Variants in TXK observed in about 807,000 individuals in gnomAD.
TXK encodes the protein TXK tyrosine kinase.
In TXK, 60 loss-of-function variants were observed where a neutral mutation model predicts 81.0. That is an observed-to-expected ratio of 0.74 (90% CI 0.60 to 0.92). The LOEUF (loss-of-function observed/expected upper bound fraction) is 0.92, where lower values mean the gene tolerates loss of function less well. Ranked by LOEUF, TXK falls within the 40% of genes least tolerant of loss-of-function variation. The pLI, the probability that TXK is intolerant of heterozygous loss-of-function variation, is 0.00. For synonymous variants in TXK, 203 were observed against 210.7 expected (o/e 0.96, Z 0.32); for missense variants, 581 against 638.3 (o/e 0.91, Z 0.97).
Position 48,095,151 on chromosome 4 carries a change from TC to T in TXK, c.572del (p.Gly191GlufsTer10). The T allele has an allele frequency of 6.2e-7, 1 of 1,612,824 alleles. No homozygotes were observed. Among genetic ancestry groups the T allele is most frequent in the Non-Finnish European group, 8.5e-7 (1 of 1,178,980 alleles). On this transcript the variant is annotated frameshift_variant, in exon 7 of 15. Transcript: ENST00000264316. LOFTEE classifies it high-confidence loss of function. ...LGSYTISVFM[G>X]ARRSTEAAIK... ...AAATCACAAGTGCTTACCTTCTAGC[TC>T]CCATAAATACGGAAATTGTGTAGGA...
chr4:48,075,312 T>C (rs17674224), intron 12 of TXK, among the ~76,000 whole-genome samples: 50,345 of 152,016 alleles, frequency 0.33, 9,778 homozygotes, highest in Non-Finnish European at 0.43. Flanking sequence ...GCTGTGGATG[T>C]GCCTAGGTAA....
intron 1 of TXK, among the ~76,000 whole-genome samples, chr4:48,123,370 C>T (rs1719007546): frequency 1.3e-5 from 2 of 152,206 alleles, no homozygotes; most frequent in Admixed American, 1.3e-4. Flanking sequence ...ATCTTCCTCA[C>T]TATCCTTAGT....
At chr4:48,095,709 G>A (rs1268286445) in intron 6 of TXK, among the ~76,000 whole-genome samples, 3 of 152,108 alleles carry the variant, frequency 2.0e-5, no homozygotes, top group Non-Finnish European at 4.4e-5. Flanking sequence ...GAACAGATAT[G>A]GGGGAGTCTG....
chr4:48,126,752 T>C (rs1396658086), intron 1 of TXK, among the ~76,000 whole-genome samples: 1 of 152,108 alleles, frequency 6.6e-6, no homozygotes, highest in African/African-American at 2.4e-5. Flanking sequence ...GATCCCCCTC[T>C]TTGGCCTCCC....
At position 48,114,289 on chromosome 4, in the gene TXK, G is replaced by A. The variant is rs924872952; in HGVS notation, c.71+59C>T. The A allele has an allele frequency of 5.0e-5, 77 of 1,555,440 alleles. 1 individual carries two copies. In the African/African-American group the frequency reaches 9.5e-4, roughly 19 times the overall value. On this transcript the variant is annotated intron_variant, in intron 2 of 14. Transcript: ENST00000264316. ...TGCAAAGAGACATGGTGACTCCACAGGTAATAAAGAAACGGAATTAATTAA... is the reference window on the plus strand; with the variant it reads ...TGCAAAGAGACATGGTGACTCCACAAGTAATAAAGAAACGGAATTAATTAA...
chr4:48,124,741 T>C (rs1172720385), intron 1 of TXK, among the ~76,000 whole-genome samples: 1 of 152,218 alleles, frequency 6.6e-6, no homozygotes, highest in Non-Finnish European at 1.5e-5. Flanking sequence ...ATTCCAGACA[T>C]ATATTTTTAA....
intron 11 of TXK, among the ~76,000 whole-genome samples, chr4:48,078,199 A>G (rs745987643): frequency 2.0e-5 from 3 of 152,204 alleles, no homozygotes; most frequent in Non-Finnish European, 4.4e-5. Flanking sequence ...CAAAGACTCT[A>G]AGTCTCATAA....
At chr4:48,071,698 C>T (rs377591868) in intron 13 of TXK, 24 bp from the exon 14 acceptor site, 1 of 1,611,590 alleles carries the variant, frequency 6.2e-7, no homozygotes, top group African/African-American at 1.3e-5. Flanking sequence ...TGCAGGAAAA[C>T]AAGGGGTTAG....
At chr4:48,115,519 A>G (rs1457757525) in intron 1 of TXK, among the ~76,000 whole-genome samples, 1 of 152,156 alleles carries the variant, frequency 6.6e-6, no homozygotes, top group Non-Finnish European at 1.5e-5. Flanking sequence ...GTCAAGCTTC[A>G]TCTTTATTGA....
chr4:48,109,685 C>A (rs1451982211), intron 5 of TXK, among the ~76,000 whole-genome samples: 1 of 152,192 alleles, frequency 6.6e-6, no homozygotes, highest in Non-Finnish European at 1.5e-5. Flanking sequence ...ACATTATCCA[C>A]CAAAGCTTTT....
intron 12 of TXK, among the ~76,000 whole-genome samples, chr4:48,075,910 C>T (rs569397126): frequency 5.9e-5 from 9 of 151,852 alleles, no homozygotes; most frequent in Admixed American, 6.6e-5. Flanking sequence ...TAGCACCACC[C>T]CAAAAAAGGA....
Position 48,100,099 on chromosome 4 carries a change from A to G in TXK, c.501+4802T>C, listed in dbSNP as rs1045369398. Among the ~76,000 whole-genome samples, 7 of 140,150 alleles carry G rather than the reference A, an allele frequency of 5.0e-5. No individual in the cohort carries two copies. In the East Asian group the frequency reaches 1.5e-3, roughly 30 times the overall value. 91.9% of individuals were successfully genotyped at this position (140,150 alleles called of 152,430 possible). On this transcript the variant is annotated intron_variant, in intron 6 of 14. Transcript: ENST00000264316. ...AGGCAGGAGAATGGCGTGAACCCGGAAGGCGGAGCTTGCAGTGAGCGGAGA... is the reference window on the plus strand; with the variant it reads ...AGGCAGGAGAATGGCGTGAACCCGGGAGGCGGAGCTTGCAGTGAGCGGAGA...
At chr4:48,123,331 T>G (rs1158287692) in intron 1 of TXK, among the ~76,000 whole-genome samples, 2 of 152,226 alleles carry the variant, frequency 1.3e-5, no homozygotes, top group Non-Finnish European at 2.9e-5. Context: ...ATTTGGCCTC[T>G]GTCTTACCTT....
intron 5 of TXK, among the ~76,000 whole-genome samples, chr4:48,105,647 A>T (rs1266470495): frequency 1.3e-5 from 2 of 151,090 alleles, no homozygotes; most frequent in East Asian, 1.9e-4. Context: ...TACTGTTGAT[A>T]AAAAAAAACT....
chr4:48,080,024 T>C lies in TXK; in HGVS notation c.1061A>G (p.Tyr354Cys). The C allele has an allele frequency of 1.9e-6, 3 of 1,614,100 alleles. No homozygotes were observed. The highest frequency in any genetic ancestry group is 1.1e-5 in the South Asian group (1 of 91,086). The change falls in exon 11 of 15, where the codon TAT (tyrosine) becomes TGT (cysteine). Residue 354 changes from tyrosine to cysteine, a missense_variant. Physicochemically the swap from Tyr to Cys is radical, Grantham distance 194. Transcript: ENST00000264316. ...AAGCTTTCCTTTATTCTCCCTGAGA[T>C]AGTTAAGCAGGCAGCCATTTTCCAT... ...EFMENGCLLN[Y>C]LRENKGKLRK...
At chr4:48,120,608 A>G (rs776238382) in intron 1 of TXK, among the ~76,000 whole-genome samples, 4 of 151,620 alleles carry the variant, frequency 2.6e-5, no homozygotes, top group African/African-American at 4.8e-5. Flanking sequence ...CTCCTGCCTC[A>G]GCCTCCAGAG....
At chr4:48,078,839 C>A (rs1717172644) in intron 11 of TXK, among the ~76,000 whole-genome samples, 1 of 152,192 alleles carries the variant, frequency 6.6e-6, no homozygotes, top group Non-Finnish European at 1.5e-5. Context: ...TTGTTCTTCA[C>A]TGTTGTATCT....
At chr4:48,082,039 T>G (rs1313358737) in intron 10 of TXK, among the ~76,000 whole-genome samples, 1 of 152,204 alleles carries the variant, frequency 6.6e-6, no homozygotes, top group Non-Finnish European at 1.5e-5. Flanking sequence ...TATATTAGTT[T>G]TCCAAGAGTG....
Position 48,080,003 on chromosome 4 carries a change from T to C in TXK, c.1082A>G (p.Lys361Arg). ...LLNYLRENKG[K>R]LRKEMLLSVC... The stretch of plus-strand genomic sequence containing the variant: ...ACTCAGTAGCATTTCCTTCCTAAGC[T>C]TTCCTTTATTCTCCCTGAGATAGTT... Residue 361 changes from lysine (K) to arginine (R), a missense_variant, in exon 11 of 15, where the codon AAG (lysine) becomes AGG (arginine). Coordinates refer to ENST00000264316, the MANE Select transcript of TXK (RefSeq NM_003328.3). 1 of 1,614,126 alleles carries C rather than the reference T, an allele frequency of 6.2e-7. No individual in the cohort carries two copies. The highest frequency in any genetic ancestry group is 8.5e-7 in the Non-Finnish European group (1 of 1,180,002).
Sources: allele counts gnomAD v4.1 joint callset (sites outside exome capture counted in the v4.1 genomes callset), GRCh38; gene constraint gnomAD v4.1.1; transcripts MANE v1.5; gene names NCBI Gene and HGNC (gene_info 2026-07-23, HGNC 2026-07-21).